PTPRB: variants seen among roughly 807,000 people sequenced by gnomAD.
The protein encoded by PTPRB is protein tyrosine phosphatase receptor type B.
A neutral mutation model predicts 238.1 loss-of-function variants in PTPRB; 97 were observed. That is an observed-to-expected ratio of 0.41 (90% CI 0.35 to 0.48). PTPRB has a LOEUF of 0.48. Among genes scored for constraint, PTPRB ranks in the 20% least tolerant of loss-of-function variants. PTPRB has a pLI of 0.30. For missense variants in PTPRB, 2,292 were observed against 2,681.9 expected (o/e 0.85, Z 3.21); for synonymous variants, 970 against 995.4 (o/e 0.97, Z 0.48).
At chr12:70,545,352 T>TTACA (rs1324167769) in intron 21 of PTPRB, among the ~76,000 whole-genome samples, 2 of 152,194 alleles carry the variant, frequency 1.3e-5, no homozygotes, top group African/African-American at 4.8e-5. Context: ...TTATTTTAAC[T>TTACA]TACATATCTT....
chr12:70,515,941 C>T lies in PTPRB; in HGVS notation c.*5548G>A, dbSNP rs559749888. 1 of 146,858 alleles carries T rather than the reference C, an allele frequency of 6.8e-6. No homozygotes were observed. The highest frequency in any genetic ancestry group is 1.5e-5 in the Non-Finnish European group (1 of 66,714). 9.1% of individuals were successfully genotyped at this position (146,858 alleles called of 1,614,324 possible). On this transcript the variant is annotated 3_prime_UTR_variant, in exon 34 of 34. Transcript: ENST00000334414. ...AGATGCTATATAGATTTTTTTTTTA[C>T]CACAGTTACAAATATAAAAATGTAT... is the stretch of plus-strand genomic sequence containing the variant.
chr12:70,590,140 T>C lies in PTPRB; in HGVS notation c.1874A>G (p.Gln625Arg). 2 of 1,613,760 alleles carry C rather than the reference T, an allele frequency of 1.2e-6. No homozygotes were observed. Among genetic ancestry groups the C allele is most frequent in the Non-Finnish European group, 8.5e-7 (1 of 1,179,766 alleles). ...SWSPPAGDWE[Q>R]YRILLFNDSV... The stretch of plus-strand genomic sequence containing the variant: ...ATCATTGAAGAGTAGGATCCGATAC[T>C]GCTCCCAGTCTCCAGCAGGGGGCGA... The change falls in exon 8 of 34, where the codon CAG (glutamine) becomes CGG (arginine). Residue 625 changes from glutamine (Q) to arginine (R), a missense_variant. Physicochemically the swap from Gln to Arg is conservative, Grantham distance 43 (BLOSUM62 1). Around this residue, in one of 4 missense-constraint regions of PTPRB, gnomAD observed 1,205 missense variants for 1,287.8 expected, o/e 0.94. Coordinates refer to ENST00000334414, the MANE Select transcript of PTPRB (RefSeq NM_001109754.4).
chr12:70,570,935 C>T, intron 13 of PTPRB, 91 bp downstream of exon 13: 1 of 1,395,750 alleles, frequency 7.2e-7, no homozygotes, highest in South Asian at 1.4e-5. Flanking sequence ...CCCTTTTATC[C>T]CTCCAAATGC....
At chr12:70,580,693 C>T (rs1289685418) in intron 10 of PTPRB, among the ~76,000 whole-genome samples, 1 of 152,114 alleles carries the variant, frequency 6.6e-6, no homozygotes. Flanking sequence ...GTGGCACACG[C>T]CTGTAATCCC....
At position 70,566,393 on chromosome 12, in the gene PTPRB, A is replaced by G. The variant is rs746184038; in HGVS notation, c.3904+42T>C. The G allele has an allele frequency of 6.3e-6, 10 of 1,596,258 alleles. No individual in the cohort carries two copies. In the Admixed American group the frequency reaches 8.5e-5, roughly 14 times the overall value. On this transcript the variant is annotated intron_variant, in intron 15 of 33. Coordinates refer to ENST00000334414, the MANE Select transcript of PTPRB (RefSeq NM_001109754.4). ...CTGGGGTTCTTACACAATAGCAGAC[A>G]TTGGCAATATGTGCTACAAAACATT... is the stretch of plus-strand genomic sequence containing the variant.
chr12:70,590,590 CTTTTTTT>C (rs34092195), intron 7 of PTPRB, among the ~76,000 whole-genome samples: 20 of 105,990 alleles, frequency 1.9e-4, no homozygotes, highest in South Asian at 3.3e-4. Flanking sequence ...AGATTAAGTT[CTTTTTTT>C]TTTTTTTTTT....
At chr12:70,619,723 A>T (rs1162385390) in intron 3 of PTPRB, among the ~76,000 whole-genome samples, 1 of 152,216 alleles carries the variant, frequency 6.6e-6, no homozygotes, top group East Asian at 1.9e-4. Flanking sequence ...ATCGGTCATC[A>T]CAAACCAGAT....
intron 22 of PTPRB, chr12:70,542,075 G>A (rs1041377485): frequency 5.3e-5 from 8 of 152,136 alleles, no homozygotes; most frequent in Admixed American, 2.0e-4. Flanking sequence ...AGCAGTGTAT[G>A]GAAGGTTCTG....
chr12:70,612,965 C>A (rs747371771), intron 3 of PTPRB, among the ~76,000 whole-genome samples: 2 of 152,108 alleles, frequency 1.3e-5, no homozygotes, highest in Non-Finnish European at 2.9e-5. Context: ...CCAGCCTCGG[C>A]AACAGAGTGA....
intron 3 of PTPRB, among the ~76,000 whole-genome samples, chr12:70,620,358 T>C (rs1272059402): frequency 6.6e-5 from 10 of 152,214 alleles, no homozygotes; most frequent in Admixed American, 6.5e-4. Context: ...CAGCAGAGCC[T>C]AGCTACCCCT....
In PTPRB at chr12:70,559,146, G is replaced by A. The variant is rs1053133714; in HGVS notation, c.4714+197C>T. ...TCCTACCTAATTGTAAGCCCCATGA[G>A]GGCAGAGAGAGATTTATTGTCCCTT... On this transcript the variant is annotated intron_variant, in intron 18 of 33. Transcript: ENST00000334414. 4.7e-6 allele frequency: 3 copies of A among 632,972 alleles called. No homozygotes were observed. The African/African-American group carries it at 5.5e-5, about 12-fold the overall frequency. The allele number at this position is 632,972 out of a possible 1,614,324, so 39.2% of individuals were successfully genotyped here.
At chr12:70,543,465 T>G (rs1360266570) in intron 22 of PTPRB, among the ~76,000 whole-genome samples, 1 of 152,192 alleles carries the variant, frequency 6.6e-6, no homozygotes, top group Non-Finnish European at 1.5e-5. Context: ...GTTTACAAAG[T>G]CCCTACATTA....
chr12:70,627,355 A>C (rs1043108602), intron 2 of PTPRB, among the ~76,000 whole-genome samples: 5 of 151,990 alleles, frequency 3.3e-5, no homozygotes, highest in African/African-American at 1.2e-4. Flanking sequence ...TGACTTGTCC[A>C]TTAGACGCAA....
chr12:70,584,686 A>G (rs1881709560), intron 9 of PTPRB, among the ~76,000 whole-genome samples: 1 of 152,176 alleles, frequency 6.6e-6, no homozygotes, highest in Non-Finnish European at 1.5e-5. Context: ...TGAGAGCTAT[A>G]TAAAAATATG....
intron 21 of PTPRB, among the ~76,000 whole-genome samples, chr12:70,548,430 C>T (rs1334790160): frequency 2.6e-5 from 4 of 151,034 alleles, no homozygotes; most frequent in Non-Finnish European, 4.4e-5. Context: ...GGGCTAGGAA[C>T]AAGAGGATCT....
At chr12:70,572,777 A>C (rs201055003) in intron 11 of PTPRB, among the ~76,000 whole-genome samples, 9,587 of 109,180 alleles carry the variant, frequency 0.088, 358 homozygotes, top group East Asian at 0.2. Context: ...CCATCTCATA[A>C]AAAAAAAAAA....
In PTPRB at chr12:70,590,038, C is replaced by T. The variant is rs867968418; in HGVS notation, c.1976G>A (p.Gly659Glu). The T allele has an allele frequency of 6.2e-7, 1 of 1,614,034 alleles. No individual in the cohort carries two copies. The highest frequency in any genetic ancestry group is 8.5e-7 in the Non-Finnish European group (1 of 1,179,898). The change falls in exon 8 of 34, where the codon GGA becomes GAA. Residue 659 changes from glycine to glutamate, a missense_variant. Coordinates refer to ENST00000334414, the MANE Select transcript of PTPRB (RefSeq NM_001109754.4). ...YVMDDTGLVP[G>E]RQYEVEVIVE... ...AATGACTTCCACCTCATACTGTCTTCCCGGTACGAGCCCCGTGTCATCCAT... is the reference window on the plus strand; with the variant it reads ...AATGACTTCCACCTCATACTGTCTTTCCGGTACGAGCCCCGTGTCATCCAT...
intron 3 of PTPRB, among the ~76,000 whole-genome samples, chr12:70,619,310 G>GATGATAATGATGACGATA (rs1555239535): frequency 2.2e-4 from 31 of 143,384 alleles, no homozygotes; most frequent in African/African-American, 6.8e-4. Context: ...TGATGATGAT[G>GATGATAATGATGACGATA]ATGATAATGA....
chr12:70,566,435 C>G lies in PTPRB; in HGVS notation c.3904G>C (p.Val1302Leu). 1 of 1,613,502 alleles carries G rather than the reference C, an allele frequency of 6.2e-7. No individual in the cohort carries two copies. Among genetic ancestry groups the G allele is most frequent in the Non-Finnish European group, 8.5e-7 (1 of 1,179,680 alleles). The change falls in exon 15 of 34, where the codon GTC becomes CTC. Residue 1302 changes from valine (V) to leucine (L), a missense_variant and splice_region_variant. Physicochemically the swap from Val to Leu is conservative, Grantham distance 32. This residue lies in a region of PTPRB where 683 missense variants were observed against 862.0 expected (regional missense o/e 0.79). Transcript: ENST00000334414. ...CAAAACATTATGCTGTGCTAATTACCTGTTCGGCCTTCAGTCTGGGCTTCC... is the reference window on the plus strand; with the variant it reads ...CAAAACATTATGCTGTGCTAATTACGTGTTCGGCCTTCAGTCTGGGCTTCC... Reference protein sequence around the residue: ...SKEAQTEGRTVPAAVTDLRIT... With the variant: ...SKEAQTEGRTLPAAVTDLRIT...
Sources: allele counts gnomAD v4.1 joint callset (sites outside exome capture counted in the v4.1 genomes callset), GRCh38; gene constraint gnomAD v4.1.1; regional missense constraint gnomAD v4.1.1; transcripts MANE v1.5; gene names NCBI Gene and HGNC (gene_info 2026-07-23, HGNC 2026-07-21).